The following REXO1 variants were observed in gnomAD, a reference collection of about 807,000 sequenced individuals.
REXO1 encodes REX1, RNA exonuclease 1 homolog.
In REXO1, 42 loss-of-function variants were observed where a neutral mutation model predicts 102.6. The ratio of observed to expected loss-of-function variants is 0.41; its 90% CI spans 0.32 to 0.53. The LOEUF is 0.53. Among genes scored for constraint, REXO1 ranks in the 20% least tolerant of loss-of-function variants. The pLI is 0.27. For missense variants in REXO1, 1,819 were observed against 1,732.5 expected, an observed-to-expected ratio of 1.05 and a Z score of -0.89; for synonymous variants, 908 against 779.1, an observed-to-expected ratio of 1.17 and a Z score of -2.76.
chr19:1,841,128 G>A (rs1450540292), intron 1 of REXO1, among the ~76,000 whole-genome samples: 1 of 152,236 alleles, frequency 6.6e-6, no homozygotes, highest in Non-Finnish European at 1.5e-5. Flanking sequence ...GCTGTTAGAG[G>A]AGGAAGAGGA....
chr19:1,842,901 C>T (rs1015028893), intron 1 of REXO1, among the ~76,000 whole-genome samples: 5 of 152,238 alleles, frequency 3.3e-5, no homozygotes, highest in Admixed American at 6.5e-5. Flanking sequence ...ACGGACAGGC[C>T]CCCAGGCCCT....
chr19:1,847,051 T>C (rs531835596), intron 1 of REXO1, among the ~76,000 whole-genome samples: 8 of 152,168 alleles, frequency 5.3e-5, no homozygotes, highest in Non-Finnish European at 8.8e-5. Context: ...TAGGCACAGC[T>C]GTCGGCAGGT....
Position 1,828,209 on chromosome 19 carries a change from C to T in REXO1, c.580G>A (p.Gly194Arg), listed in dbSNP as rs371799096. Residue 194 changes from glycine (G) to arginine (R), a missense_variant, in exon 2 of 16, where the codon GGG becomes AGG. Physicochemically the swap from Gly to Arg is moderately radical, Grantham distance 125 (BLOSUM62 -2). Transcript: ENST00000170168. ...ACGTATTCCAGGGCACCGCCACCCCCTCCACCTCTGCCCTGACCCCTGTCC... is the reference window on the plus strand; with the variant it reads ...ACGTATTCCAGGGCACCGCCACCCCTTCCACCTCTGCCCTGACCCCTGTCC... Reference protein sequence around the residue: ...SLDRGQGRGGGGGGALEYVPK... With the variant: ...SLDRGQGRGGRGGGALEYVPK... 1 of 1,606,100 alleles carries T rather than the reference C, an allele frequency of 6.2e-7. No homozygotes were observed. Among genetic ancestry groups the T allele is most frequent in the Non-Finnish European group, 8.5e-7 (1 of 1,177,268 alleles).
At chr19:1,846,233 G>C (rs1257245382) in intron 1 of REXO1, among the ~76,000 whole-genome samples, 1 of 152,182 alleles carries the variant, frequency 6.6e-6, no homozygotes, top group South Asian at 2.1e-4. Context: ...TAAATCTGGA[G>C]GTGTGGACAT....
intron 10 of REXO1, 58 bp from the exon 11 acceptor site, chr19:1,817,838 G>C (rs1225819594): frequency 3.5e-6 from 5 of 1,424,652 alleles, no homozygotes; most frequent in South Asian, 1.2e-5. Context: ...ACAGCCCCCG[G>C]GGCACTGACC....
chr19:1,823,499 G>C lies in REXO1; in HGVS notation c.2230+73C>G, dbSNP rs185850506. 2,760 of 1,096,550 alleles carry C rather than the reference G, an allele frequency of 2.5e-3. 7 individuals carry two copies. Among genetic ancestry groups the C allele is most frequent in the Non-Finnish European group, 3.0e-3 (2,529 of 843,412 alleles). The allele number at this position is 1,096,550 out of a possible 1,614,324, so 67.9% of individuals were successfully genotyped here. ...ACCATGTGGTTCAGGTGAGCTCAGA[G>C]ACCTCAGGGTGCCACCTCTCCTGCC... On this transcript the variant is annotated intron_variant, in intron 4 of 15. Coordinates refer to ENST00000170168, the MANE Select transcript of REXO1 (RefSeq NM_020695.4).
At chr19:1,834,157 G>T (rs551942589) in intron 1 of REXO1, among the ~76,000 whole-genome samples, 1 of 152,138 alleles carries the variant, frequency 6.6e-6, no homozygotes, top group Non-Finnish European at 1.5e-5. Context: ...CCCAGCCCAG[G>T]GGAGCCAAGA....
intron 11 of REXO1, 164 bp from the exon 12 acceptor site, chr19:1,817,493 A>C (rs1234644861): frequency 8.2e-6 from 12 of 1,468,404 alleles, no homozygotes; most frequent in South Asian, 1.4e-5. Flanking sequence ...CTTGCCAAGA[A>C]GACACAGGGA....
At chr19:1,835,270 G>A (rs564809806) in intron 1 of REXO1, among the ~76,000 whole-genome samples, 12 of 152,142 alleles carry the variant, frequency 7.9e-5, no homozygotes, top group Non-Finnish European at 1.8e-4. Flanking sequence ...TGGGCCAGGC[G>A]TGGTGGCTCA....
chr19:1,821,565 G>T lies in REXO1; in HGVS notation c.2348C>A (p.Thr783Asn). 1.2e-6 allele frequency: 2 copies of T among 1,613,962 alleles called. No individual in the cohort carries two copies. Among genetic ancestry groups the T allele is most frequent in the Non-Finnish European group, 1.7e-6 (2 of 1,179,910 alleles). ...GATTCGCTTAGGGATGATGGTGGTGGTAGTCTTGGACGCCATCCCCGACAA... is the reference window on the plus strand; with the variant it reads ...GATTCGCTTAGGGATGATGGTGGTGTTAGTCTTGGACGCCATCCCCGACAA... Reference protein sequence around the residue: ...RTLSGMASKTTTTIIPKRIAH... With the variant: ...RTLSGMASKTNTTIIPKRIAH... The change falls in exon 5 of 16, where the codon ACC becomes AAC. Residue 783 changes from threonine (T) to asparagine (N), a missense_variant. Thr to Asn is a moderately conservative substitution (Grantham distance 65). Transcript: ENST00000170168.
Position 1,833,268 on chromosome 19 carries a change from C to T in REXO1, c.158-4637G>A, listed in dbSNP as rs542995299. Among the ~76,000 whole-genome samples, 11 of 152,276 alleles carry T rather than the reference C, an allele frequency of 7.2e-5. No homozygotes were observed. In the South Asian group the frequency reaches 2.1e-3, roughly 29 times the overall value. On this transcript the variant is annotated intron_variant, in intron 1 of 15. Coordinates refer to ENST00000170168, the MANE Select transcript of REXO1 (RefSeq NM_020695.4). ...GTAGCATTTAGACAAGAGGAAGGAT[C>T]CGTGTGTCTGTTTTGGACCACTCGG...
At chr19:1,819,796 C>G (rs954920860) in intron 7 of REXO1, 138 bp downstream of exon 7, 6 of 939,560 alleles carry the variant, frequency 6.4e-6, no homozygotes, top group Non-Finnish European at 8.9e-6. Context: ...AGCAGGCAGC[C>G]CCCCCACAGC....
chr19:1,835,229 C>T (rs759045622), intron 1 of REXO1, among the ~76,000 whole-genome samples: 15 of 152,062 alleles, frequency 9.9e-5, no homozygotes, highest in Non-Finnish European at 1.9e-4. Flanking sequence ...CCTGGGAGCC[C>T]ACCCAGGGGG....
chr19:1,831,306 C>CT (rs2069894610), intron 1 of REXO1, among the ~76,000 whole-genome samples: 1 of 152,228 alleles, frequency 6.6e-6, no homozygotes, highest in African/African-American at 2.4e-5. Context: ...TGCAGCTTGT[C>CT]TGAAGGTCGG....
chr19:1,821,801 G>A (rs767644150), intron 4 of REXO1, 119 bp from the exon 5 acceptor site: 119 of 905,828 alleles, frequency 1.3e-4, no homozygotes, highest in Non-Finnish European at 1.8e-4. Context: ...CGTGCAGGGG[G>A]CCGGGCCAGG....
rs1212154897 is a variant in REXO1, at chr19:1,848,360, G to A, written c.-2C>T. 2 of 1,216,510 alleles carry A rather than the reference G, an allele frequency of 1.6e-6. No homozygotes were observed. The highest frequency in any genetic ancestry group is 1.0e-6 in the Non-Finnish European group (1 of 971,342). 75.4% of individuals were successfully genotyped at this position (1,216,510 alleles called of 1,614,324 possible). A position where few individuals can be genotyped will look rare whatever the true frequency, so the allele number is the denominator to read the frequency against. ...GAAGAAGCCAGTGGAGCGTAGCATG[G>A]TCCGTCCCGCGGCGGGGCCCCGGCC... is the stretch of plus-strand genomic sequence containing the variant. On this transcript the variant is annotated 5_prime_UTR_variant, in exon 1 of 16. Transcript: ENST00000170168.
At chr19:1,841,565 G>A (rs962972638) in intron 1 of REXO1, among the ~76,000 whole-genome samples, 1 of 152,176 alleles carries the variant, frequency 6.6e-6, no homozygotes, top group Non-Finnish European at 1.5e-5. Flanking sequence ...GGAGGAGGCC[G>A]GGGCCTTCCT....
chr19:1,818,674 C>A (rs375284366), intron 9 of REXO1, 32 bp downstream of exon 9: 1 of 1,609,328 alleles, frequency 6.2e-7, no homozygotes, highest in Admixed American at 1.7e-5. Flanking sequence ...CCCGCACCTG[C>A]CCACCTAGGC....
intron 8 of REXO1, 51 bp downstream of exon 8, chr19:1,818,967 C>A (rs1356505031): frequency 6.4e-7 from 1 of 1,571,008 alleles, no homozygotes; most frequent in Non-Finnish European, 8.7e-7. Context: ...AGGGGCTGGG[C>A]CGGCAGAGGC....
Sources: allele counts gnomAD v4.1 joint callset (sites outside exome capture counted in the v4.1 genomes callset), GRCh38; gene constraint gnomAD v4.1.1; transcripts MANE v1.5; gene names NCBI Gene and HGNC (gene_info 2026-07-23, HGNC 2026-07-21).